The following SMARCA5 variants were observed in gnomAD, a reference collection of about 807,000 sequenced individuals.
The protein encoded by SMARCA5 is SWI/SNF-related matrix-associated actin-dependent regulator of chromatin subfamily A member 5.
SMARCA5 carries 18 observed loss-of-function variants against 140.4 expected under a neutral mutation model. The observed-to-expected ratio is 0.13, with a 90% CI of 0.09 to 0.19. The LOEUF (loss-of-function observed/expected upper bound fraction) is 0.19. SMARCA5 is among the 10% of genes least tolerant of loss of function. The pLI is 1.00. For missense variants in SMARCA5, 606 were observed against 1,276.8 expected, an observed-to-expected ratio of 0.47 and a Z score of 8.01; for synonymous variants, 449 against 419.6, an observed-to-expected ratio of 1.07 and a Z score of -0.86.
intron 23 of SMARCA5, 101 bp from the exon 24 acceptor site, chr4:143,553,014 ATTAC>A: frequency 1.2e-6 from 1 of 814,394 alleles, no homozygotes; most frequent in Non-Finnish European, 2.1e-6. Flanking sequence ...TCTCATACCT[ATTAC>A]TTTGTAGTAG....
At chr4:143,521,323 CT>C (rs77498203) in intron 2 of SMARCA5, 105 bp from the exon 3 acceptor site, 15,051 of 558,410 alleles carry the variant, frequency 0.027, no homozygotes, top group South Asian at 0.042. Context: ...CTGTAGTTCT[CT>C]TTTTTTTTTT....
At chr4:143,544,989 C>T (rs1431155915) in intron 17 of SMARCA5, 142 bp downstream of exon 17, 13 of 535,838 alleles carry the variant, frequency 2.4e-5, no homozygotes, top group Non-Finnish European at 4.2e-5. Flanking sequence ...ACTCTGTTAC[C>T]AGGAGTTCAG....
intron 6 of SMARCA5, among the ~76,000 whole-genome samples, chr4:143,527,504 C>G (rs1027708922): frequency 6.6e-6 from 1 of 151,982 alleles, no homozygotes; most frequent in African/African-American, 2.4e-5. Flanking sequence ...ATGCCTACTA[C>G]TGCTAACTAT....
chr4:143,553,178 A>G lies in SMARCA5; in HGVS notation c.3153A>G (p.Lys1051=). The change falls in exon 24 of 24, where the codon AAA becomes AAG. Residue 1051 remains lysine, a synonymous_variant. Transcript: ENST00000283131. The part of the protein sequence containing the change: ...PDGRGRKKKL[K]L ...GTCGAGGAAGAAAAAAGAAGCTGAA[A>G]CTATGAATATGTTTTTGTTTCATAA... The G allele has an allele frequency of 6.2e-7, 1 of 1,610,832 alleles. No homozygotes were observed. Among genetic ancestry groups the G allele is most frequent in the Admixed American group, 1.7e-5 (1 of 59,956 alleles).
intron 9 of SMARCA5, among the ~76,000 whole-genome samples, chr4:143,531,411 AG>A (rs1466450134): frequency 6.6e-6 from 1 of 152,230 alleles, no homozygotes; most frequent in African/African-American, 2.4e-5. Flanking sequence ...TTAAAGCAGG[AG>A]CTTGTAAGAA....
chr4:143,540,308 G>GTGTACCCAT, intron 13 of SMARCA5, 55 bp from the exon 14 acceptor site: 2 of 1,416,596 alleles, frequency 1.4e-6, no homozygotes, highest in Non-Finnish European at 1.9e-6. Flanking sequence ...ACCCATTTCA[G>GTGTACCCAT]TGTTATTTAT....
Position 143,554,068 on chromosome 4 carries a change from A to T in SMARCA5, c.*884A>T, listed in dbSNP as rs187391714. ...TTGGTAACAAAATATATCCCCTCCC[A>T]TTTGGACTTTTAGGGTAAATGAAAA... On this transcript the variant is annotated 3_prime_UTR_variant, in exon 24 of 24. Coordinates refer to ENST00000283131, the MANE Select transcript of SMARCA5 (RefSeq NM_003601.4). The T allele has an allele frequency of 4.6e-5, 7 of 151,890 alleles. No individual in the cohort carries two copies. Among genetic ancestry groups the T allele is most frequent in the Admixed American group, 4.6e-4 (7 of 15,252 alleles). The allele number at this position is 151,890 out of a possible 1,614,324, so 9.4% of individuals were successfully genotyped here. A position where few individuals can be genotyped will look rare whatever the true frequency, so the allele number is the denominator to read the frequency against.
rs534515874 is a variant in SMARCA5 at position 143,532,517 on chromosome 4, C to T, written c.1158+1991C>T. On this transcript the variant is annotated intron_variant, in intron 9 of 23. Coordinates refer to ENST00000283131, the MANE Select transcript of SMARCA5 (RefSeq NM_003601.4). Reference sequence around the variant, plus strand: ...CAGGGAGAAGAGGTCTTGTAGCTACCTCTCTACTTTCTCCTGCTCTTTACT... The same window carrying T: ...CAGGGAGAAGAGGTCTTGTAGCTACTTCTCTACTTTCTCCTGCTCTTTACT... 1.6e-3 allele frequency among the ~76,000 whole-genome samples: 247 copies of T among 152,258 alleles called. 3 individuals are homozygous for T. Among genetic ancestry groups the T allele is most frequent in the African/African-American group, 3.0e-3 (126 of 41,552 alleles).
At chr4:143,530,354 A>G in intron 8 of SMARCA5, 104 bp from the exon 9 acceptor site, 1 of 664,994 alleles carries the variant, frequency 1.5e-6, no homozygotes, top group Admixed American at 3.0e-5. Context: ...TTTGTGGGTT[A>G]CAATTCAAAT....
chr4:143,539,746 G>C (rs571011705), intron 13 of SMARCA5, among the ~76,000 whole-genome samples: 51 of 152,138 alleles, frequency 3.4e-4, no homozygotes, highest in Non-Finnish European at 4.1e-4. Context: ...ATGTTGGTCA[G>C]GCTGGTCTCG....
In SMARCA5 at chr4:143,528,606, C is replaced by A; in HGVS notation, c.981C>A (p.Phe327Leu). 6.2e-7 allele frequency: 1 copy of A among 1,610,990 alleles called. No individual in the cohort carries two copies. Among genetic ancestry groups the A allele is most frequent in the Non-Finnish European group, 8.5e-7 (1 of 1,178,390 alleles). ...AGTTGTCAGAAATAGTGAGGGAATT[C>A]AAGACTACAAATAGACTATTATTAA... ...KSKLSEIVREFKTTNRLLLTG... is the reference protein window; with the variant it reads ...KSKLSEIVRELKTTNRLLLTG... The change falls in exon 8 of 24, where the codon TTC (phenylalanine) becomes TTA (leucine). Residue 327 changes from phenylalanine (F) to leucine (L), a missense_variant. By Grantham distance (22) the Phe-to-Leu change is conservative. Transcript: ENST00000283131.
rs557292854 is a variant in SMARCA5 at position 143,539,881 on chromosome 4, A to G, written c.1771-482A>G. ...GTACTCTTACTAAGGGTGACAGGGG[A>G]AAATGGACCAATTATTAGAAATAAG... is the stretch of plus-strand genomic sequence containing the variant. On this transcript the variant is annotated intron_variant, in intron 13 of 23. Coordinates refer to ENST00000283131, the MANE Select transcript of SMARCA5 (RefSeq NM_003601.4). Among the ~76,000 whole-genome samples, 4 of 152,280 alleles carry G rather than the reference A, an allele frequency of 2.6e-5. No homozygotes were observed. The South Asian group carries it at 8.3e-4, about 32-fold the overall frequency.
intron 2 of SMARCA5, among the ~76,000 whole-genome samples, chr4:143,520,792 T>A (rs1000003044): frequency 6.6e-6 from 1 of 152,158 alleles, no homozygotes; most frequent in Non-Finnish European, 1.5e-5. Flanking sequence ...TCGAGGCTCT[T>A]AAGGTTTTTT....
Position 143,514,061 on chromosome 4 carries a change from C to A in SMARCA5, c.137C>A (p.Ala46Glu). ...GAAGGCGTCGCGGCGCAGGCGGTTG[C>A]GTCTGCGGCCAGCGCTGGTCCCGCA... The part of the protein sequence containing the change: ...GPEGVAAQAV[A>E]SAASAGPADA... The change falls in exon 1 of 24, where the codon GCG (alanine) becomes GAG (glutamate). Residue 46 changes from alanine (A) to glutamate (E), a missense_variant. Physicochemically the swap from Ala to Glu is moderately radical, Grantham distance 107 (BLOSUM62 -1). Transcript: ENST00000283131. 1 of 1,562,228 alleles carries A rather than the reference C, an allele frequency of 6.4e-7. No individual in the cohort carries two copies. The highest frequency in any genetic ancestry group is 8.6e-7 in the Non-Finnish European group (1 of 1,162,570).
intron 14 of SMARCA5, among the ~76,000 whole-genome samples, chr4:143,542,811 C>T (rs769965948): frequency 2.0e-5 from 3 of 152,054 alleles, no homozygotes; most frequent in Admixed American, 6.6e-5. Context: ...TGAGTTTCTT[C>T]GATGATCCAG....
intron 10 of SMARCA5, 81 bp from the exon 11 acceptor site, chr4:143,536,371 G>A: frequency 1.1e-6 from 1 of 907,370 alleles, no homozygotes; most frequent in Non-Finnish European, 1.8e-6. Flanking sequence ...GTTCATGTGG[G>A]GAAGGGGATT....
chr4:143,541,385 T>A (rs1737423024), intron 14 of SMARCA5, among the ~76,000 whole-genome samples: 1 of 152,240 alleles, frequency 6.6e-6, no homozygotes, highest in South Asian at 2.1e-4. Context: ...CAGTCTCTGA[T>A]GTCCATGTAA....
Position 143,538,584 on chromosome 4 carries a change from C to T in SMARCA5, c.1496-6C>T. On this transcript the variant is annotated splice_region_variant and splice_polypyrimidine_tract_variant and intron_variant, in intron 11 of 23. Transcript: ENST00000283131. ...ACTGATAATAGATTGTTATATTCCCCAACAGGTTCACGAGTACTAATCTTC... is the reference window on the plus strand; with the variant it reads ...ACTGATAATAGATTGTTATATTCCCTAACAGGTTCACGAGTACTAATCTTC... 2 of 1,611,350 alleles carry T rather than the reference C, an allele frequency of 1.2e-6. No homozygotes were observed. Among genetic ancestry groups the T allele is most frequent in the South Asian group, 1.1e-5 (1 of 90,794 alleles).
chr4:143,530,297 T>C (rs891826380), intron 8 of SMARCA5, among the ~76,000 whole-genome samples, 161 bp from the exon 9 acceptor site: 3 of 152,200 alleles, frequency 2.0e-5, no homozygotes, highest in Non-Finnish European at 4.4e-5. Context: ...GTTTTAAAAT[T>C]AGTAACAATG....
Sources: gnomAD v4.1 joint callset for allele counts (sites outside exome capture counted in the v4.1 genomes callset) on GRCh38, gnomAD v4.1.1 for gene constraint, MANE v1.5 for transcripts, NCBI Gene and HGNC (gene_info 2026-07-23, HGNC 2026-07-21) for gene names.